The following ANKRD28 variants were observed in gnomAD, a reference collection of about 807,000 sequenced individuals.
ANKRD28 encodes serine/threonine-protein phosphatase 6 regulatory ankyrin repeat subunit A.
ANKRD28 carries 44 observed loss-of-function variants against 126.5 expected under a neutral mutation model. That is an observed-to-expected ratio of 0.35 (90% CI 0.27 to 0.45). The LOEUF (loss-of-function observed/expected upper bound fraction) is 0.45, where lower values mean the gene tolerates loss of function less well. Ranked by LOEUF, ANKRD28 falls within the 20% of genes least tolerant of loss-of-function variation. The probability of loss-of-function intolerance (pLI) is 1.00; values close to 1 mark genes in which losing one functional copy is unlikely to be tolerated. For missense variants in ANKRD28, 1,110 were observed against 1,316.6 expected (o/e 0.84, Z 2.43); for synonymous variants, 442 against 468.5 (o/e 0.94, Z 0.73).
chr3:15,712,855 T>G lies in ANKRD28; in HGVS notation c.1191-633A>C, dbSNP rs542182819. 2.6e-5 allele frequency among the ~76,000 whole-genome samples: 4 copies of G among 152,330 alleles called. No homozygotes were observed. The East Asian group carries it at 7.7e-4, about 29-fold the overall frequency. On this transcript the variant is annotated intron_variant, in intron 10 of 27. Transcript: ENST00000683139. ...GGCTAAATTAATAAGCTCATGTAAT[T>G]TTTTTGGAAAAAGTTACAAAACAGA...
At chr3:15,678,959 T>C (rs1255030098) in intron 23 of ANKRD28, among the ~76,000 whole-genome samples, 1 of 152,204 alleles carries the variant, frequency 6.6e-6, no homozygotes, top group Non-Finnish European at 1.5e-5. Context: ...ATTTATTTCT[T>C]ATTGAAAATA....
rs2125817545 is a variant in ANKRD28 at position 15,689,863 on chromosome 3, T to C, written c.1963+156A>G. 3.1e-6 allele frequency: 2 copies of C among 647,470 alleles called. 1 individual carries two copies. Among genetic ancestry groups the C allele is most frequent in the Middle Eastern group, 8.6e-4 (2 of 2,336 alleles). 40.1% of individuals were successfully genotyped at this position (647,470 alleles called of 1,614,324 possible). On this transcript the variant is annotated intron_variant, in intron 18 of 27. Coordinates refer to ENST00000683139, the MANE Select transcript of ANKRD28 (RefSeq NM_001349278.2). ...GGCTTTGTAAATTCATTTGTGTGAA[T>C]AAAGTTATTTGGTGAGGTCAAATAA...
chr3:15,795,132 A>T (rs2060216701), intron 2 of ANKRD28, 91 bp downstream of exon 2: 3 of 903,686 alleles, frequency 3.3e-6, no homozygotes, highest in Admixed American at 2.0e-5. Context: ...TTACAGAGTT[A>T]TATTATGTCT....
At position 15,845,559 on chromosome 3, in the gene ANKRD28, T is replaced by C. The variant is rs1575813424; in HGVS notation, c.27+13818A>G. 6.6e-6 allele frequency among the ~76,000 whole-genome samples: 1 copy of C among 152,238 alleles called. No individual in the cohort carries two copies. Among genetic ancestry groups the C allele is most frequent in the African/African-American group, 2.4e-5 (1 of 41,464 alleles). On this transcript the variant is annotated intron_variant, in intron 1 of 27. Coordinates refer to the ANKRD28 transcript ENST00000399451. The surrounding 1 kb of genome is among the most constrained non-coding windows in gnomAD (Gnocchi z 4.9). ...CTACTTATTAGATCTACTTGACTAA[T>C]ACCACACTTGCTATTCTATCTGGTT...
In ANKRD28 at chr3:15,667,793, T is replaced by C. The variant is rs1559294015; in HGVS notation, c.*2477A>G. On this transcript the variant is annotated 3_prime_UTR_variant, in exon 28 of 28. Transcript: ENST00000683139. Reference sequence around the variant, plus strand: ...GGCATTCGCAAGAACTACCTTAATGTTTTTGGTAACAGCATCATTTACATA... The same window carrying C: ...GGCATTCGCAAGAACTACCTTAATGCTTTTGGTAACAGCATCATTTACATA... 6.6e-6 allele frequency: 1 copy of C among 152,150 alleles called. No homozygotes were observed. Among genetic ancestry groups the C allele is most frequent in the Admixed American group, 6.5e-5 (1 of 15,278 alleles). 9.4% of individuals were successfully genotyped at this position (152,150 alleles called of 1,614,324 possible).
In ANKRD28 at chr3:15,671,485, C is replaced by T. The variant is rs528183965; in HGVS notation, c.2966-929G>A. Among the ~76,000 whole-genome samples, 5 of 152,190 alleles carry T rather than the reference C, an allele frequency of 3.3e-5. No individual in the cohort carries two copies. In the South Asian group the frequency reaches 8.3e-4, roughly 25 times the overall value. ...AGCCTCCATATATCCTCTACCCAGT[C>T]GTTACACCTTTCTTCTTCCACAATG... is the stretch of plus-strand genomic sequence containing the variant. On this transcript the variant is annotated intron_variant, in intron 27 of 27. Coordinates refer to ENST00000683139, the MANE Select transcript of ANKRD28 (RefSeq NM_001349278.2).
intron 14 of ANKRD28, among the ~76,000 whole-genome samples, chr3:15,704,110 G>A (rs1407430886): frequency 6.6e-6 from 1 of 151,980 alleles, no homozygotes; most frequent in Non-Finnish European, 1.5e-5. Flanking sequence ...TCTGCAACAG[G>A]CAAATATAAT....
chr3:15,779,417 C>T (rs144751999), intron 2 of ANKRD28, among the ~76,000 whole-genome samples: 1 of 152,224 alleles, frequency 6.6e-6, no homozygotes, highest in East Asian at 1.9e-4. Context: ...TACTAAAGAG[C>T]TTATATGCTT....
In ANKRD28 at chr3:15,830,333, C is replaced by T. The variant is rs536323595; in HGVS notation, c.27+29044G>A. On this transcript the variant is annotated intron_variant, in intron 1 of 27. Coordinates refer to the ANKRD28 transcript ENST00000399451. The surrounding 1 kb of genome is among the most constrained non-coding windows in gnomAD (Gnocchi z 4.5). ...GGGTCCCTAACCCCTGGACTGAGGA[C>T]TGCTAGCCATTCATGGCCTGTCAGA... Among the ~76,000 whole-genome samples the T allele has an allele frequency of 2.2e-4, 33 of 152,308 alleles. No individual in the cohort carries two copies. The highest frequency in any genetic ancestry group is 7.5e-4 in the African/African-American group (31 of 41,566).
chr3:15,689,777 T>C, intron 18 of ANKRD28: 2 of 429,944 alleles, frequency 4.7e-6, no homozygotes, highest in East Asian at 3.7e-5. Flanking sequence ...TGGGTTGATA[T>C]AATACACTGT....
intron 4 of ANKRD28, among the ~76,000 whole-genome samples, chr3:15,741,858 T>C (rs1174936912): frequency 1.3e-5 from 2 of 152,082 alleles, no homozygotes; most frequent in East Asian, 1.9e-4. Flanking sequence ...TGCCTCAGCC[T>C]GCCGAGTGCC....
chr3:15,745,070 C>G (rs138073861), intron 4 of ANKRD28, among the ~76,000 whole-genome samples: 2 of 152,220 alleles, frequency 1.3e-5, no homozygotes, highest in Non-Finnish European at 2.9e-5. Flanking sequence ...CCTTAGCCCA[C>G]TTTTTGATGG....
At chr3:15,747,755 T>G (rs1223476043) in intron 4 of ANKRD28, among the ~76,000 whole-genome samples, 1 of 152,158 alleles carries the variant, frequency 6.6e-6, no homozygotes, top group East Asian at 1.9e-4. Flanking sequence ...TTTGTTGACT[T>G]TCTGTTTTGA....
At chr3:15,840,883 G>A (rs562247229) in intron 1 of ANKRD28, among the ~76,000 whole-genome samples, 2 of 152,368 alleles carry the variant, frequency 1.3e-5, no homozygotes, top group Admixed American at 1.3e-4. Context: ...GCTCACGCCT[G>A]TAATCCCAGC....
upstream of ANKRD28, chr3:15,798,221 TG>T: frequency 1.1e-6 from 1 of 950,314 alleles, no homozygotes; most frequent in Admixed American, 6.2e-5. Context: ...ACGGCTTAAC[TG>T]CTTTCGTGTG....
chr3:15,767,773 G>A (rs1165470247), intron 2 of ANKRD28, among the ~76,000 whole-genome samples: 1 of 141,354 alleles, frequency 7.1e-6, no homozygotes, highest in African/African-American at 2.6e-5. Flanking sequence ...CTGTAGTCCT[G>A]GCTACTTGGG....
At chr3:15,818,210 C>A (rs114471401) in intron 1 of ANKRD28, among the ~76,000 whole-genome samples, 1 of 152,106 alleles carries the variant, frequency 6.6e-6, no homozygotes, top group African/African-American at 2.4e-5. Context: ...TAGTGCTGAA[C>A]CCTATATATA....
rs149159497 is a variant in ANKRD28 at position 15,806,232 on chromosome 3, C to T, written c.28-10926G>A. Reference sequence around the variant, plus strand: ...GTAACAATGTTAATTCAGAGTAAAACGATGTCAACTCCTTTAGCTGTAGAC... The same window carrying T: ...GTAACAATGTTAATTCAGAGTAAAATGATGTCAACTCCTTTAGCTGTAGAC... On this transcript the variant is annotated intron_variant, in intron 1 of 27. Coordinates refer to the ANKRD28 transcript ENST00000399451. 3.7e-3 allele frequency among the ~76,000 whole-genome samples: 557 copies of T among 152,232 alleles called. 7 individuals are homozygous for T. Among genetic ancestry groups the T allele is most frequent in the African/African-American group, 0.013 (536 of 41,532 alleles).
At chr3:15,768,629 G>T (rs994670414) in intron 2 of ANKRD28, among the ~76,000 whole-genome samples, 1 of 151,904 alleles carries the variant, frequency 6.6e-6, no homozygotes, top group Non-Finnish European at 1.5e-5. Flanking sequence ...TCCAGCCTGG[G>T]CAACAGAGCA....
Sources: allele counts gnomAD v4.1 joint callset (sites outside exome capture counted in the v4.1 genomes callset), GRCh38; gene constraint gnomAD v4.1.1; non-coding constraint Gnocchi (gnomAD v3.1); transcripts MANE v1.5; gene names NCBI Gene and HGNC (gene_info 2026-07-23, HGNC 2026-07-21).